The following RBKS variants were observed in gnomAD, a reference collection of about 807,000 sequenced individuals.
RBKS encodes the protein ribokinase.
Under a neutral mutation model 33.9 loss-of-function variants are expected in RBKS, and 33 were observed. The observed-to-expected ratio is 0.97, with a 90% CI of 0.74 to 1.30. The LOEUF is 1.30. Among genes scored for constraint, RBKS ranks in the 50% most tolerant of loss-of-function variants. RBKS has a pLI of 0.00. For missense variants in RBKS, 361 were observed against 392.6 expected (o/e 0.92, Z 0.68); for synonymous variants, 125 against 143.0 (o/e 0.87, Z 0.90).
chr2:27,787,496 G>A (rs1677427356), intron 7 of RBKS, among the ~76,000 whole-genome samples: 1 of 152,278 alleles, frequency 6.6e-6, no homozygotes, highest in South Asian at 2.1e-4. Flanking sequence ...CTGGGCTCAA[G>A]GGATCCTCCC....
chr2:27,844,129 A>G (rs1663569067), intron 4 of RBKS, among the ~76,000 whole-genome samples: 2 of 152,082 alleles, frequency 1.3e-5, no homozygotes, highest in African/African-American at 4.8e-5. Context: ...GCGTGGTGGT[A>G]TGTGCCTGCA....
At chr2:27,827,814 C>T in intron 6 of RBKS, 59 bp from the exon 7 acceptor site, 1 of 1,373,084 alleles carries the variant, frequency 7.3e-7, no homozygotes. Flanking sequence ...GAATCCACTT[C>T]CAGATGCGTT....
intron 1 of RBKS, among the ~76,000 whole-genome samples, chr2:27,869,487 A>C (rs1346650566): frequency 1.3e-5 from 2 of 152,246 alleles, no homozygotes; most frequent in Non-Finnish European, 2.9e-5. Flanking sequence ...GGTATTCCAC[A>C]AAAAGTGTGA....
intron 7 of RBKS, among the ~76,000 whole-genome samples, chr2:27,784,334 G>C (rs1025687379): frequency 6.6e-6 from 1 of 152,096 alleles, no homozygotes; most frequent in African/African-American, 2.4e-5. Flanking sequence ...TAGACCTAAG[G>C]GCTTTCATAA....
chr2:27,865,247 G>T (rs1340118186), intron 1 of RBKS, among the ~76,000 whole-genome samples: 3 of 152,176 alleles, frequency 2.0e-5, no homozygotes, highest in East Asian at 3.9e-4. Flanking sequence ...GTGAACCCAG[G>T]AGGCGGAGGT....
chr2:27,856,652 G>A (rs1018367333), intron 2 of RBKS, among the ~76,000 whole-genome samples: 1 of 152,138 alleles, frequency 6.6e-6, no homozygotes, highest in Non-Finnish European at 1.5e-5. Flanking sequence ...CAAGAGAGGG[G>A]TTCTCTAATC....
intron 7 of RBKS, among the ~76,000 whole-genome samples, chr2:27,800,988 C>A (rs1001256814): frequency 6.6e-6 from 1 of 152,144 alleles, no homozygotes; most frequent in Non-Finnish European, 1.5e-5. Context: ...GGTAAGGCTG[C>A]AGGACAGGAT....
chr2:27,864,841 G>A (rs545105314), intron 1 of RBKS, among the ~76,000 whole-genome samples: 1 of 152,272 alleles, frequency 6.6e-6, no homozygotes, highest in Admixed American at 6.5e-5. Flanking sequence ...CCTCTGGGGT[G>A]GGGGAAGAAG....
chr2:27,820,996 C>T (rs188607076), intron 7 of RBKS, among the ~76,000 whole-genome samples: 11 of 145,948 alleles, frequency 7.5e-5, no homozygotes, highest in South Asian at 2.1e-4. Flanking sequence ...GCCGAGACTG[C>T]GCCACTGCAC....
At chr2:27,870,693 C>G (rs1380387632) in intron 1 of RBKS, 6 of 434,298 alleles carry the variant, frequency 1.4e-5, no homozygotes, top group South Asian at 6.5e-5. Flanking sequence ...GACTCACATT[C>G]AGAAGCAACC....
At chr2:27,877,758 C>G (rs1664342219) in intron 1 of RBKS, among the ~76,000 whole-genome samples, 1 of 152,202 alleles carries the variant, frequency 6.6e-6, no homozygotes, top group South Asian at 2.1e-4. Flanking sequence ...ACAGTTGTTT[C>G]CAACTATTTT....
intron 7 of RBKS, among the ~76,000 whole-genome samples, chr2:27,782,942 G>C (rs1368698737): frequency 1.3e-5 from 2 of 152,092 alleles, no homozygotes; most frequent in Non-Finnish European, 2.9e-5. Context: ...TTCTGCATGG[G>C]AGATTGGTCT....
chr2:27,796,891 C>G (rs552593924), intron 7 of RBKS, among the ~76,000 whole-genome samples: 14 of 152,278 alleles, frequency 9.2e-5, no homozygotes, highest in African/African-American at 3.4e-4. Flanking sequence ...ACAATCCTGT[C>G]TGTCCATAGC....
intron 1 of RBKS, among the ~76,000 whole-genome samples, chr2:27,883,334 G>GCTCCC (rs2148233099): frequency 6.6e-6 from 1 of 152,172 alleles, no homozygotes; most frequent in Admixed American, 6.5e-5. Context: ...CGAGTAGCTG[G>GCTCCC]GACTACAGGC....
intron 1 of RBKS, among the ~76,000 whole-genome samples, chr2:27,884,774 G>T (rs901105334): frequency 1.3e-5 from 2 of 152,152 alleles, no homozygotes; most frequent in Non-Finnish European, 2.9e-5. Context: ...AGTTTTAGTT[G>T]ACATCAGAGT....
intron 1 of RBKS, among the ~76,000 whole-genome samples, chr2:27,875,183 C>T (rs1479086750): frequency 6.6e-6 from 1 of 152,174 alleles, no homozygotes; most frequent in Non-Finnish European, 1.5e-5. Context: ...TTTTCATACA[C>T]TGTGAGTAGG....
chr2:27,812,082 A>G (rs1012471632), intron 7 of RBKS, among the ~76,000 whole-genome samples: 4 of 152,074 alleles, frequency 2.6e-5, no homozygotes, highest in Non-Finnish European at 5.9e-5. Context: ...TTTTCTTGTA[A>G]ATTTGTAAGA....
intron 5 of RBKS, among the ~76,000 whole-genome samples, chr2:27,841,903 A>C (rs1206711174): frequency 6.6e-6 from 1 of 152,016 alleles, no homozygotes; most frequent in East Asian, 1.9e-4. Flanking sequence ...ATTTATTTTG[A>C]TTTTTTTCAC....
At chr2:27,803,948 G>A (rs1443499443) in intron 7 of RBKS, among the ~76,000 whole-genome samples, 1 of 152,072 alleles carries the variant, frequency 6.6e-6, no homozygotes, top group East Asian at 1.9e-4. Flanking sequence ...CTACTTGGGA[G>A]GCTGAGGCAC....
Sources: allele counts gnomAD v4.1 joint callset (sites outside exome capture counted in the v4.1 genomes callset), GRCh38; gene constraint gnomAD v4.1.1; transcripts MANE v1.5; gene names NCBI Gene and HGNC (gene_info 2026-07-23, HGNC 2026-07-21).